Variants in MTCL1 observed in about 807,000 individuals in gnomAD.
MTCL1 encodes microtubule cross-linking factor 1.
Under a neutral mutation model 141.4 loss-of-function variants are expected in MTCL1, and 79 were observed. The observed-to-expected ratio is 0.56, with a 90% confidence interval of 0.47 to 0.67. MTCL1 has a LOEUF of 0.67. Ranked by LOEUF, MTCL1 falls within the 30% of genes least tolerant of loss-of-function variation. The pLI, the probability that MTCL1 is intolerant of heterozygous loss-of-function variation, is 0.00. For synonymous variants in MTCL1, 914 were observed against 875.8 expected, an observed-to-expected ratio of 1.04 and a Z score of -0.77; for missense variants, 2,177 against 2,113.9, an observed-to-expected ratio of 1.03 and a Z score of -0.59.
Position 8,737,784 on chromosome 18 carries a change from T to A in MTCL1, c.357+17288T>A, listed in dbSNP as rs187146508. 3.8e-4 allele frequency among the ~76,000 whole-genome samples: 58 copies of A among 152,244 alleles called. 1 individual carries two copies. The highest frequency in any genetic ancestry group is 1.3e-3 in the African/African-American group (53 of 41,562). On this transcript the variant is annotated intron_variant, in intron 4 of 16. Coordinates refer to ENST00000359865, the Ensembl canonical transcript of MTCL1. ...AGAACTGGGGTCGTGCGGGGCTCCATAACCAACTGCAGGACAGAATCTGCT... is the reference window on the plus strand; with the variant it reads ...AGAACTGGGGTCGTGCGGGGCTCCAAAACCAACTGCAGGACAGAATCTGCT...
At chr18:8,761,856 C>T (rs911828710) in intron 4 of MTCL1, among the ~76,000 whole-genome samples, 3 of 152,208 alleles carry the variant, frequency 2.0e-5, no homozygotes, top group Non-Finnish European at 4.4e-5. Flanking sequence ...CTCTGGGTCC[C>T]TCCCACAACA....
intron 4 of MTCL1, among the ~76,000 whole-genome samples, chr18:8,734,973 A>G (rs1402618336): frequency 1.3e-5 from 2 of 152,306 alleles, no homozygotes; most frequent in African/African-American, 4.8e-5. Flanking sequence ...AATGAAGGGT[A>G]AATGTAGGAG....
At chr18:8,762,821 G>C (rs2096439574) in intron 4 of MTCL1, among the ~76,000 whole-genome samples, 1 of 152,214 alleles carries the variant, frequency 6.6e-6, no homozygotes, top group Non-Finnish European at 1.5e-5. Flanking sequence ...CTGCGGGATA[G>C]GGCGGGAAGG....
intron 15 of MTCL1, among the ~76,000 whole-genome samples, chr18:8,827,822 G>A (rs1301281039): frequency 6.6e-6 from 1 of 152,142 alleles, no homozygotes; most frequent in Non-Finnish European, 1.5e-5. Context: ...AGCAAAAATA[G>A]GTTCTTGATG....
intron 4 of MTCL1, among the ~76,000 whole-genome samples, chr18:8,747,078 G>A (rs1378701579): frequency 2.0e-5 from 3 of 152,130 alleles, no homozygotes; most frequent in Non-Finnish European, 4.4e-5. Context: ...TCTTCCAGGT[G>A]GAAATCAGAG....
chr18:8,718,329 C>G, intron 2 of MTCL1, 95 bp from the exon 2 acceptor site: 1 of 1,228,662 alleles, frequency 8.1e-7, no homozygotes, highest in Non-Finnish European at 1.2e-6. Context: ...TGTAGGTATT[C>G]AATATTTAGT....
In MTCL1 at chr18:8,824,783, C is replaced by G. The variant is rs776400100; in HGVS notation, c.3273C>G (p.Thr1091=). Residue 1091 remains threonine (T), a synonymous_variant, in exon 15 of 17, where the codon ACC becomes ACG. Transcript: ENST00000359865. ...TGCCTGAGAAGGGCCTGCCGTCCAC[C>G]AGCAGCAAGGAGGATGTCACCCCAC... 1.9e-6 allele frequency: 3 copies of G among 1,614,162 alleles called. No individual in the cohort carries two copies. In the East Asian group the frequency reaches 6.7e-5, roughly 36 times the overall value.
intron 12 of MTCL1, among the ~76,000 whole-genome samples, chr18:8,814,029 G>T (rs1568088033): frequency 6.6e-6 from 1 of 152,082 alleles, no homozygotes; most frequent in Non-Finnish European, 1.5e-5. Flanking sequence ...AATTTATGAG[G>T]TCTCAAGGAA....
chr18:8,722,715 G>A (rs2096181410), intron 4 of MTCL1, among the ~76,000 whole-genome samples: 1 of 152,112 alleles, frequency 6.6e-6, no homozygotes, highest in South Asian at 2.1e-4. Flanking sequence ...TCTCAGGGGT[G>A]GCATAGGTGG....
At chr18:8,783,628 G>T in exon 6 of MTCL1, 1 of 1,613,624 alleles carries the variant, frequency 6.2e-7, no homozygotes, top group Non-Finnish European at 8.5e-7. Context: ...AGAAGGACGA[G>T]CTGGAGCAGG....
chr18:8,783,974 C>T, exon 6 of MTCL1: 2 of 1,613,810 alleles, frequency 1.2e-6, no homozygotes, highest in Non-Finnish European at 1.7e-6. Flanking sequence ...AGCGGAGTTG[C>T]TCCGGAGGTC....
chr18:8,762,586 C>A (rs944495589), intron 4 of MTCL1, among the ~76,000 whole-genome samples: 5 of 152,206 alleles, frequency 3.3e-5, no homozygotes, highest in Non-Finnish European at 7.3e-5. Flanking sequence ...CAGTTTCCTA[C>A]GTGGAGTGAG....
intron 4 of MTCL1, among the ~76,000 whole-genome samples, chr18:8,755,141 T>C (rs2096390392): frequency 6.6e-6 from 1 of 152,174 alleles, no homozygotes; most frequent in Non-Finnish European, 1.5e-5. Flanking sequence ...CTGAGTTAAA[T>C]GGTAACTTCT....
chr18:8,828,819 G>T lies in MTCL1; in HGVS notation c.4723-89G>T. ...GGGATGGTCCTCTACCTCCGGGCTT[G>T]CTGACTTTAAACCTTTATTGTTCTC... On this transcript the variant is annotated intron_variant, in intron 15 of 16. Transcript: ENST00000359865. The surrounding 1 kb of genome is among the most constrained non-coding windows in gnomAD (Gnocchi z 5.2). 1.3e-6 allele frequency: 2 copies of T among 1,597,750 alleles called. No homozygotes were observed. Among genetic ancestry groups the T allele is most frequent in the Non-Finnish European group, 1.7e-6 (2 of 1,172,906 alleles).
At chr18:8,706,482 C>T in exon 1 of MTCL1, 1 of 1,268,246 alleles carries the variant, frequency 7.9e-7, no homozygotes, top group Non-Finnish European at 9.9e-7. Flanking sequence ...CCGCGCCCCT[C>T]GCCGCGGGCG....
chr18:8,819,543 A>G (rs1204462105), intron 13 of MTCL1, among the ~76,000 whole-genome samples: 1 of 152,252 alleles, frequency 6.6e-6, no homozygotes, highest in Non-Finnish European at 1.5e-5. Context: ...AGTGTGTCCC[A>G]TAAAACACAC....
intron 4 of MTCL1, among the ~76,000 whole-genome samples, chr18:8,748,177 G>T (rs149318467): frequency 1.4e-4 from 21 of 152,244 alleles, no homozygotes; most frequent in African/African-American, 4.8e-4. Flanking sequence ...GAACTGAGGT[G>T]CCCAGACCTC....
intron 6 of MTCL1, 78 bp downstream of exon 5, chr18:8,784,921 C>CA: frequency 1.6e-6 from 2 of 1,277,306 alleles, no homozygotes; most frequent in Non-Finnish European, 2.1e-6. Flanking sequence ...CACTCGGGCT[C>CA]ACGCTGCTCA....
chr18:8,731,254 T>TA (rs1027978263), intron 4 of MTCL1, among the ~76,000 whole-genome samples: 1 of 148,950 alleles, frequency 6.7e-6, no homozygotes, highest in Admixed American at 6.7e-5. Context: ...CAAAAAAAGA[T>TA]AAAAAAGTAA....
Sources: gnomAD v4.1 joint callset for allele counts (sites outside exome capture counted in the v4.1 genomes callset) on GRCh38, gnomAD v4.1.1 for gene constraint, Gnocchi (gnomAD v3.1) non-coding constraint, MANE v1.5 for transcripts, NCBI Gene and HGNC (gene_info 2026-07-23, HGNC 2026-07-21) for gene names.